The following CTNNA3 variants were observed in gnomAD, a reference collection of about 807,000 sequenced individuals.
The protein encoded by CTNNA3 is catenin alpha 3.
Under a neutral mutation model 95.7 loss-of-function variants are expected in CTNNA3, and 76 were observed. That is an observed-to-expected ratio of 0.79 (90% CI 0.66 to 0.96). The LOEUF (loss-of-function observed/expected upper bound fraction) is 0.96. Ranked by LOEUF, CTNNA3 falls within the 40% of genes least tolerant of loss-of-function variation. The pLI is 0.00. For missense variants in CTNNA3, 1,191 were observed against 1,089.8 expected (o/e 1.09, Z -1.31); for synonymous variants, 431 against 374.4 (o/e 1.15, Z -1.74).
chr10:66,658,987 C>A (rs1194123450), intron 9 of CTNNA3, among the ~76,000 whole-genome samples: 3 of 152,104 alleles, frequency 2.0e-5, no homozygotes, highest in Non-Finnish European at 4.4e-5. Context: ...CCATACCCAG[C>A]AGTTTTTTTC....
At chr10:67,061,181 T>A (rs1417923974) in intron 7 of CTNNA3, among the ~76,000 whole-genome samples, 1 of 152,236 alleles carries the variant, frequency 6.6e-6, no homozygotes, top group Non-Finnish European at 1.5e-5. Context: ...GCTTCCTCTA[T>A]GATACCTGGC....
chr10:67,416,477 G>A (rs955733398), intron 5 of CTNNA3, among the ~76,000 whole-genome samples: 12 of 151,596 alleles, frequency 7.9e-5, no homozygotes, highest in African/African-American at 2.2e-4. Context: ...GCGTGGTGGC[G>A]GGCGCCTGTA....
At chr10:66,258,554 A>C (rs2090878935) in intron 13 of CTNNA3, among the ~76,000 whole-genome samples, 1 of 152,166 alleles carries the variant, frequency 6.6e-6, no homozygotes, top group African/African-American at 2.4e-5. Context: ...CTGTAATCTC[A>C]GTCCCAGCCT....
chr10:66,629,670 C>A (rs1297316883), intron 9 of CTNNA3, among the ~76,000 whole-genome samples: 1 of 152,080 alleles, frequency 6.6e-6, no homozygotes, highest in South Asian at 2.1e-4. Context: ...CCCATCCCTA[C>A]TACGTCTTGC....
chr10:66,163,939 T>G (rs1317526592), intron 13 of CTNNA3, among the ~76,000 whole-genome samples: 1 of 152,184 alleles, frequency 6.6e-6, no homozygotes, highest in Non-Finnish European at 1.5e-5. Context: ...TGGAAGTGTT[T>G]GCTATGTCAT....
intron 9 of CTNNA3, among the ~76,000 whole-genome samples, chr10:66,723,365 C>A (rs1848686073): frequency 6.6e-6 from 1 of 151,686 alleles, no homozygotes; most frequent in African/African-American, 2.4e-5. Flanking sequence ...TTTTCTAAAT[C>A]CTACAATCCT....
chr10:67,125,285 A>C (rs1859666865), intron 7 of CTNNA3, among the ~76,000 whole-genome samples: 1 of 152,234 alleles, frequency 6.6e-6, no homozygotes, highest in South Asian at 2.1e-4. Context: ...AATAAAATTA[A>C]AATACTGATT....
In CTNNA3 at chr10:67,024,540, G is replaced by A. The variant is rs547060870; in HGVS notation, c.1047+155777C>T. Among the ~76,000 whole-genome samples, 496 of 152,190 alleles carry A rather than the reference G, an allele frequency of 3.3e-3. 5 individuals carry two copies. Among genetic ancestry groups the A allele is most frequent in the African/African-American group, 0.011 (466 of 41,512 alleles). On this transcript the variant is annotated intron_variant, in intron 7 of 17. Coordinates refer to ENST00000433211, the MANE Select transcript of CTNNA3 (RefSeq NM_013266.4). Reference sequence around the variant, plus strand: ...ATTATTTGGCCTACCATAAGACCACGTTAATATATGCTTCAAAGTCATTAT... The same window carrying A: ...ATTATTTGGCCTACCATAAGACCACATTAATATATGCTTCAAAGTCATTAT...
chr10:66,928,438 T>C (rs1437273617), intron 7 of CTNNA3: 4 of 1,607,872 alleles, frequency 2.5e-6, no homozygotes, highest in Non-Finnish European at 3.4e-6. Flanking sequence ...CAAATCGGGC[T>C]CCAGGGAGTG....
At chr10:66,153,850 C>T (rs748224325) in intron 13 of CTNNA3, among the ~76,000 whole-genome samples, 20 of 37,184 alleles carry the variant, frequency 5.4e-4, no homozygotes, top group Middle Eastern at 0.012. Flanking sequence ...AATTTGTTTA[C>T]ACACACACAC....
intron 5 of CTNNA3, among the ~76,000 whole-genome samples, chr10:67,244,819 A>T (rs1431381057): frequency 1.3e-5 from 2 of 152,180 alleles, no homozygotes; most frequent in Non-Finnish European, 2.9e-5. Flanking sequence ...CATCTCAGAC[A>T]TTCTGTATCA....
intron 17 of CTNNA3, among the ~76,000 whole-genome samples, chr10:65,965,393 CTTTTTTTTTTTTTTTTT>C (rs561552884): frequency 1.3e-5 from 1 of 77,652 alleles, no homozygotes; most frequent in Non-Finnish European, 2.5e-5. Context: ...CTCCCCTCTA[CTTTTTTTTTTTTTTTTT>C]TTTTTTTTTT....
At chr10:66,628,628 T>G (rs1446434648) in intron 9 of CTNNA3, among the ~76,000 whole-genome samples, 1 of 152,144 alleles carries the variant, frequency 6.6e-6, no homozygotes, top group African/African-American at 2.4e-5. Flanking sequence ...GGCTTCTTTC[T>G]GAATTTAGAA....
intron 7 of CTNNA3, among the ~76,000 whole-genome samples, chr10:66,827,881 T>C (rs566386472): frequency 6.2e-4 from 95 of 152,350 alleles, no homozygotes; most frequent in Admixed American, 1.4e-3. Context: ...AGAAATTGCC[T>C]TTCTGAATAC....
At chr10:65,977,178 T>G in intron 16 of CTNNA3, among the ~76,000 whole-genome samples, 1 of 151,478 alleles carries the variant, frequency 6.6e-6, no homozygotes, top group East Asian at 2.0e-4. Flanking sequence ...AACATCTACT[T>G]AGTTCCTTAA....
chr10:66,967,128 A>G (rs1849467940), intron 7 of CTNNA3, among the ~76,000 whole-genome samples: 1 of 152,048 alleles, frequency 6.6e-6, no homozygotes, highest in East Asian at 1.9e-4. Context: ...TAATGAAACA[A>G]TGGTTATAGC....
At chr10:66,060,047 A>G (rs1166813463) in intron 15 of CTNNA3, among the ~76,000 whole-genome samples, 1 of 152,054 alleles carries the variant, frequency 6.6e-6, no homozygotes, top group African/African-American at 2.4e-5. Flanking sequence ...CTTTTACCCC[A>G]TAATTTTTCT....
At chr10:66,354,011 AGCGGCTCAC>A (rs1320713726) in intron 12 of CTNNA3, among the ~76,000 whole-genome samples, 13 of 152,260 alleles carry the variant, frequency 8.5e-5, no homozygotes, top group Non-Finnish European at 1.9e-4. Flanking sequence ...GGCCAGACGC[AGCGGCTCAC>A]GCCTGTAATC....
At chr10:66,973,912 G>A (rs1036220596) in intron 7 of CTNNA3, among the ~76,000 whole-genome samples, 2 of 152,066 alleles carry the variant, frequency 1.3e-5, no homozygotes, top group Non-Finnish European at 2.9e-5. Context: ...GTGAACCACC[G>A]CGTCCAGCCT....
Sources: allele counts gnomAD v4.1 joint callset (sites outside exome capture counted in the v4.1 genomes callset), GRCh38; gene constraint gnomAD v4.1.1; transcripts MANE v1.5; gene names NCBI Gene and HGNC (gene_info 2026-07-23, HGNC 2026-07-21).